The following ABCC8 variants were observed in gnomAD, a reference collection of about 807,000 sequenced individuals.
ABCC8 encodes the protein ATP binding cassette subfamily C member 8, also known as ATP-binding cassette sub-family C member 8.
A neutral mutation model predicts 188.0 loss-of-function variants in ABCC8; 137 were observed. The observed-to-expected ratio is 0.73, with a 90% confidence interval of 0.63 to 0.84. The LOEUF (loss-of-function observed/expected upper bound fraction) is 0.84. Among genes scored for constraint, ABCC8 ranks in the 40% least tolerant of loss-of-function variants. The pLI, the probability that ABCC8 is intolerant of heterozygous loss-of-function variation, is 0.00. For synonymous variants in ABCC8, 797 were observed against 846.5 expected (o/e 0.94, Z 1.01); for missense variants, 1,750 against 2,072.7 (o/e 0.84, Z 3.02).
chr11:17,476,624 C>A lies in ABCC8; in HGVS notation c.148+5G>T, dbSNP rs1314949178. 5.0e-6 allele frequency: 8 copies of A among 1,611,366 alleles called. No individual in the cohort carries two copies. Among genetic ancestry groups the A allele is most frequent in the Non-Finnish European group, 6.8e-6 (8 of 1,178,930 alleles). Reference sequence around the variant, plus strand: ...CCTCCTCCGCGGCTCGCTGCGCGCACTCACCAATGAAGAGGATGGGGAAGG... The same window carrying A: ...CCTCCTCCGCGGCTCGCTGCGCGCAATCACCAATGAAGAGGATGGGGAAGG... On this transcript the variant is annotated splice_donor_5th_base_variant and intron_variant, in intron 1 of 38. Coordinates refer to ENST00000389817, the MANE Select transcript of ABCC8 (RefSeq NM_000352.6).
At chr11:17,403,265 G>A (rs1488415619) in intron 28 of ABCC8, among the ~76,000 whole-genome samples, 1 of 152,184 alleles carries the variant, frequency 6.6e-6, no homozygotes, top group Admixed American at 6.5e-5. Context: ...GGTTTCCATG[G>A]CAACAGAATT....
In ABCC8 at chr11:17,395,593, G is replaced by T. The variant is rs1305808889; in HGVS notation, c.4307+17C>A. 6.5e-7 allele frequency: 1 copy of T among 1,547,004 alleles called. No individual in the cohort carries two copies. Among genetic ancestry groups the T allele is most frequent in the Non-Finnish European group, 8.7e-7 (1 of 1,147,312 alleles). On this transcript the variant is annotated intron_variant, in intron 35 of 38. Coordinates refer to ENST00000389817, the MANE Select transcript of ABCC8 (RefSeq NM_000352.6). ...CCGGCCTGGGGCTGGGTGGGCCTGA[G>T]GGGTGGTGGGGCTCACCGGATGGTG...
rs751042003 is a variant in ABCC8, at chr11:17,428,282, G to T, written c.2040+7C>A. The T allele has an allele frequency of 3.1e-6, 5 of 1,613,954 alleles. No homozygotes were observed. Among genetic ancestry groups the T allele is most frequent in the Admixed American group, 1.7e-5 (1 of 60,006 alleles). On this transcript the variant is annotated splice_region_variant and intron_variant, in intron 14 of 38. Coordinates refer to ENST00000389817, the MANE Select transcript of ABCC8 (RefSeq NM_000352.6). The stretch of plus-strand genomic sequence containing the variant: ...TGGGTGGCCAGGCATGGGGCAGCAG[G>T]ACTCACCTGGACACAGCAGTTGTCA...
rs115220641 is a variant in ABCC8 at position 17,449,551 on chromosome 11, C to T, written c.1177-880G>A. ...GACAGAGAGCAGCCATGGTAATGGC[C>T]TCCCCGAGCTCTGAACCTAAACGCT... On this transcript the variant is annotated intron_variant, in intron 7 of 38. Coordinates refer to ENST00000389817, the MANE Select transcript of ABCC8 (RefSeq NM_000352.6). Among the ~76,000 whole-genome samples the T allele has an allele frequency of 1.0e-2, 1,520 of 152,300 alleles. 15 individuals are homozygous for T. Among genetic ancestry groups the T allele is most frequent in the African/African-American group, 0.029 (1,188 of 41,566 alleles).
chr11:17,413,525 G>A, intron 19 of ABCC8, 47 bp from the exon 20 acceptor site: 1 of 1,612,648 alleles, frequency 6.2e-7, no homozygotes, highest in Non-Finnish European at 8.5e-7. Flanking sequence ...CCTGGTCAGA[G>A]TTGGCCCGAG....
intron 10 of ABCC8, among the ~76,000 whole-genome samples, chr11:17,432,994 G>A (rs1314691776): frequency 6.6e-6 from 1 of 152,146 alleles, no homozygotes; most frequent in Non-Finnish European, 1.5e-5. Flanking sequence ...ATAAATACTT[G>A]TTCATACACC....
intron 16 of ABCC8, among the ~76,000 whole-genome samples, chr11:17,425,645 A>T (rs1955546229): frequency 6.6e-6 from 1 of 151,894 alleles, no homozygotes; most frequent in East Asian, 1.9e-4. Context: ...TTCATTTCTC[A>T]GTTCCTATTT....
At chr11:17,419,585 T>A (rs1003530972) in intron 16 of ABCC8, among the ~76,000 whole-genome samples, 2 of 152,240 alleles carry the variant, frequency 1.3e-5, no homozygotes, top group Admixed American at 6.5e-5. Flanking sequence ...TGCTTGTGTA[T>A]CTTTTCTAAT....
At chr11:17,450,302 CTTTCTTTCTT>C (rs1564959144) in intron 7 of ABCC8, among the ~76,000 whole-genome samples, 12 of 132,820 alleles carry the variant, frequency 9.0e-5, no homozygotes, top group African/African-American at 2.6e-4. Flanking sequence ...TTCTTTCTTT[CTTTCTTTCTT>C]TCTTTCTTTC....
At chr11:17,475,198 G>A in intron 1 of ABCC8, 171 bp from the exon 2 acceptor site, 1 of 469,498 alleles carries the variant, frequency 2.1e-6, no homozygotes, top group Non-Finnish European at 2.8e-6. Context: ...ATTCAGCCTG[G>A]TCCTATGCTG....
intron 30 of ABCC8, 109 bp downstream of exon 30, chr11:17,398,230 T>C: frequency 7.1e-7 from 1 of 1,414,794 alleles, no homozygotes; most frequent in East Asian, 2.4e-5. Flanking sequence ...AGGCTTGGTG[T>C]CCACACGATC....
At position 17,463,445 on chromosome 11, in the gene ABCC8, C is replaced by A. The variant is rs1478393744; in HGVS notation, c.572G>T (p.Arg191Met). ...MLLLVEVNVI[R>M]VRRYIFFKTP... ...CCCAGGTGGCCTGCTTACCCTCACCCTGATGACATTGACCTCCACGAGGAG... is the reference window on the plus strand; with the variant it reads ...CCCAGGTGGCCTGCTTACCCTCACCATGATGACATTGACCTCCACGAGGAG... The change falls in exon 4 of 39, where the codon AGG (arginine) becomes ATG (methionine). Residue 191 changes from arginine to methionine, a missense_variant. Arg to Met is a moderately conservative substitution (Grantham distance 91). Transcript: ENST00000389817. 2 of 1,604,480 alleles carry A rather than the reference C, an allele frequency of 1.2e-6. No individual in the cohort carries two copies. Among genetic ancestry groups the A allele is most frequent in the South Asian group, 1.1e-5 (1 of 88,702 alleles).
chr11:17,402,520 G>T, intron 29 of ABCC8, 141 bp downstream of exon 29: 1 of 1,540,520 alleles, frequency 6.5e-7, no homozygotes, highest in Non-Finnish European at 8.7e-7. Flanking sequence ...GATATCCCTT[G>T]GGCCTTGGGA....
Position 17,453,653 on chromosome 11 carries a change from C to T in ABCC8, c.1012-370G>A, listed in dbSNP as rs114035648. Reference sequence around the variant, plus strand: ...ACCTGAACTGGTACAACAAGTCTCACGGTGCATGTTCTCTGCTACAGAAAT... The same window carrying T: ...ACCTGAACTGGTACAACAAGTCTCATGGTGCATGTTCTCTGCTACAGAAAT... On this transcript the variant is annotated intron_variant, in intron 6 of 38. Coordinates refer to ENST00000389817, the MANE Select transcript of ABCC8 (RefSeq NM_000352.6). Among the ~76,000 whole-genome samples the T allele has an allele frequency of 2.5e-3, 379 of 152,314 alleles. 2 individuals carry two copies. The highest frequency in any genetic ancestry group is 8.8e-3 in the African/African-American group (365 of 41,564).
At position 17,414,419 on chromosome 11, in the gene ABCC8, G is replaced by A. The variant is rs4148630; in HGVS notation, c.2390+93C>T. 0.75 allele frequency: 1,141,715 copies of A among 1,525,130 alleles called. 429,724 individuals carry two copies. Among genetic ancestry groups the A allele is most frequent in the East Asian group, 0.87 (38,396 of 44,388 alleles). The allele number at this position is 1,525,130 out of a possible 1,614,324, so 94.5% of individuals were successfully genotyped here. On this transcript the variant is annotated intron_variant, in intron 19 of 38. Transcript: ENST00000389817. Reference sequence around the variant, plus strand: ...CACCTGGGGAGTGAGATGGCTGGGTGTGGGTGATCGATGGAGGGGCCCGGA... The same window carrying A: ...CACCTGGGGAGTGAGATGGCTGGGTATGGGTGATCGATGGAGGGGCCCGGA...
intron 24 of ABCC8, 34 bp downstream of exon 24, chr11:17,407,320 G>A: frequency 6.2e-7 from 1 of 1,614,054 alleles, no homozygotes; most frequent in Non-Finnish European, 8.5e-7. Flanking sequence ...CAGACCTCAG[G>A]CCATAATTTC....
intron 1 of ABCC8, among the ~76,000 whole-genome samples, chr11:17,475,345 G>A (rs1848702462): frequency 6.6e-6 from 1 of 152,134 alleles, no homozygotes; most frequent in African/African-American, 2.4e-5. Flanking sequence ...AGCCTCCTGA[G>A]TAGCTGGGAC....
At chr11:17,413,109 C>T in intron 20 of ABCC8, 4 of 606,968 alleles carry the variant, frequency 6.6e-6, no homozygotes, top group South Asian at 2.0e-5. Context: ...AACAATACAA[C>T]CCCAGGCTGA....
chr11:17,449,947 T>G (rs1167219845), intron 7 of ABCC8, among the ~76,000 whole-genome samples: 2 of 152,194 alleles, frequency 1.3e-5, no homozygotes, highest in Non-Finnish European at 2.9e-5. Flanking sequence ...ACCTCCTAGG[T>G]TATGTGAAAT....
Sources: gnomAD v4.1 joint callset for allele counts (sites outside exome capture counted in the v4.1 genomes callset) on GRCh38, gnomAD v4.1.1 for gene constraint, MANE v1.5 for transcripts, NCBI Gene and HGNC (gene_info 2026-07-23, HGNC 2026-07-21) for gene names.